RGS8: variants seen among roughly 807,000 people sequenced by gnomAD.
RGS8 encodes regulator of G protein signaling 8, also known as regulator of G-protein signaling 8.
A neutral mutation model predicts 21.7 loss-of-function variants in RGS8; 8 were observed. That is an observed-to-expected ratio of 0.37 (90% CI 0.22 to 0.66). The LOEUF (loss-of-function observed/expected upper bound fraction) is 0.66. RGS8 is among the 30% of genes least tolerant of loss of function. The probability of loss-of-function intolerance (pLI) is 0.59; values close to 1 mark genes in which losing one functional copy is unlikely to be tolerated. For synonymous variants in RGS8, 80 were observed against 83.6 expected (o/e 0.96, Z 0.24); for missense variants, 157 against 217.9 (o/e 0.72, Z 1.76).
chr1:182,672,392 C>T, upstream of RGS8: 1 of 264,068 alleles, frequency 3.8e-6, no homozygotes. Context: ...GCAGGTCACA[C>T]ATCTAAATTC....
At chr1:182,724,210 A>G in the RGS8 span, among the ~76,000 whole-genome samples, 1 of 87,064 alleles carries the variant, frequency 1.1e-5, no homozygotes, top group South Asian at 4.4e-4. Flanking sequence ...GGATATATAT[A>G]TATATATATA....
chr1:182,741,759 C>T, the RGS8 span, among the ~76,000 whole-genome samples: 3 of 108,508 alleles, frequency 2.8e-5, no homozygotes, highest in South Asian at 5.7e-4. Flanking sequence ...GGGGCTGACC[C>T]CCCCACCTCC....
At chr1:182,653,524 T>A (rs1663122346) in intron 5 of RGS8, among the ~76,000 whole-genome samples, 1 of 151,756 alleles carries the variant, frequency 6.6e-6, no homozygotes, top group African/African-American at 2.4e-5. Flanking sequence ...TGAAACCCCA[T>A]CTCTACTAAA....
At chr1:182,670,620 C>A (rs1664111211) in intron 2 of RGS8, among the ~76,000 whole-genome samples, 1 of 152,100 alleles carries the variant, frequency 6.6e-6, no homozygotes, top group African/African-American at 2.4e-5. Flanking sequence ...TTAAAAGGAA[C>A]CTAATTTAGA....
At chr1:182,646,731 A>G (rs372147386) in exon 7 of RGS8, 6 of 1,604,922 alleles carry the variant, frequency 3.7e-6, no homozygotes, top group Non-Finnish European at 4.2e-6. Context: ...TTCCCTTCTG[A>G]GGTCTAACTG....
At chr1:182,710,806 G>T in the RGS8 span, among the ~76,000 whole-genome samples, 1 of 152,156 alleles carries the variant, frequency 6.6e-6, no homozygotes, top group African/African-American at 2.4e-5. Context: ...GTAGGTAGTA[G>T]TAATATTATT....
chr1:182,705,549 T>G, the RGS8 span, among the ~76,000 whole-genome samples: 2 of 135,590 alleles, frequency 1.5e-5, no homozygotes, highest in Non-Finnish European at 3.3e-5. Context: ...TTATAGCTAC[T>G]TTATCTAGAA....
chr1:182,682,478 A>G (rs1664569643), intron 1 of RGS8, among the ~76,000 whole-genome samples: 1 of 152,040 alleles, frequency 6.6e-6, no homozygotes, highest in Non-Finnish European at 1.5e-5. Flanking sequence ...TTGAGCCTCA[A>G]TTTGTTCTAG....
At chr1:182,748,873 C>T in the RGS8 span, among the ~76,000 whole-genome samples, 8,036 of 152,222 alleles carry the variant, frequency 0.053, 244 homozygotes, top group Middle Eastern at 0.071. Flanking sequence ...AGCATATTTT[C>T]ATATACCTGC....
At chr1:182,735,512 A>C in the RGS8 span, among the ~76,000 whole-genome samples, 76 of 152,318 alleles carry the variant, frequency 5.0e-4, no homozygotes, top group Non-Finnish European at 1.0e-3. Context: ...GCTAGATCTG[A>C]TGAGATCAGG....
chr1:182,667,317 T>C (rs1376954671), intron 3 of RGS8, among the ~76,000 whole-genome samples: 1 of 151,626 alleles, frequency 6.6e-6, no homozygotes. Context: ...ACATTTTGCT[T>C]TTCCACAAGG....
chr1:182,675,069 C>G (rs1199150059), upstream of RGS8, among the ~76,000 whole-genome samples: 1 of 152,150 alleles, frequency 6.6e-6, no homozygotes, highest in Admixed American at 6.5e-5. Context: ...ATCTCAGACC[C>G]TGCACACTAT....
chr1:182,672,184 A>C, upstream of RGS8: 2 of 171,688 alleles, frequency 1.2e-5, no homozygotes, highest in South Asian at 1.5e-4. Context: ...TGTCCAGGGG[A>C]CCCTCTTCTA....
At chr1:182,695,212 C>T in the RGS8 span, among the ~76,000 whole-genome samples, 5 of 152,152 alleles carry the variant, frequency 3.3e-5, no homozygotes, top group African/African-American at 1.2e-4. Flanking sequence ...TCTGCTAAAG[C>T]GGTTAGTCTT....
chr1:182,723,861 GAAAAACTTTAAATA>G, the RGS8 span, among the ~76,000 whole-genome samples: 1 of 152,074 alleles, frequency 6.6e-6, no homozygotes. Flanking sequence ...ATTGTTAAAA[GAAAAACTTTAAATA>G]AGTTAACAGA....
chr1:182,673,079 C>T (rs1313537312), upstream of RGS8: 6 of 576,100 alleles, frequency 1.0e-5, no homozygotes, highest in East Asian at 5.8e-5. Flanking sequence ...CTTGTCTTCT[C>T]GTTATGCTCT....
chr1:182,652,580 T>A (rs1389420621), intron 5 of RGS8, among the ~76,000 whole-genome samples: 1 of 152,266 alleles, frequency 6.6e-6, no homozygotes, highest in Admixed American at 6.5e-5. Flanking sequence ...ATAGCAATAA[T>A]GTCATCTTCA....
the RGS8 span, among the ~76,000 whole-genome samples, chr1:182,741,862 G>A: frequency 4.3e-5 from 6 of 141,046 alleles, no homozygotes; most frequent in South Asian, 2.3e-4. Context: ...CGGACGGGGC[G>A]GCTGGCCGGG....
Position 182,669,770 on chromosome 1 carries a change from G to C in RGS8, c.-103-18C>G. 6.4e-7 allele frequency: 1 copy of C among 1,560,812 alleles called. No individual in the cohort carries two copies. The highest frequency in any genetic ancestry group is 8.7e-7 in the Non-Finnish European group (1 of 1,152,044). On this transcript the variant is annotated intron_variant, in intron 2 of 6. Coordinates refer to ENST00000483095, the Ensembl canonical transcript of RGS8. Reference sequence around the variant, plus strand: ...CCTCTCACCTAAAATCAAAGAATCTGCTGTAAGAGGGGCCACCCTCTCTCA... The same window carrying C: ...CCTCTCACCTAAAATCAAAGAATCTCCTGTAAGAGGGGCCACCCTCTCTCA...
Sources: gnomAD v4.1 joint callset for allele counts (sites outside exome capture counted in the v4.1 genomes callset) on GRCh38, gnomAD v4.1.1 for gene constraint, MANE v1.5 for transcripts, NCBI Gene and HGNC (gene_info 2026-07-23, HGNC 2026-07-21) for gene names.